The following PUDP variants were observed in gnomAD, a reference collection of about 807,000 sequenced individuals.
PUDP encodes the protein pseudouridine-5'-phosphatase.
PUDP carries 8 observed loss-of-function variants against 9.4 expected under a neutral mutation model. The observed-to-expected ratio is 0.85, with a 90% CI of 0.50 to 1.53. The LOEUF (loss-of-function observed/expected upper bound fraction) is 1.53. PUDP is among the 40% of genes most tolerant of loss of function. The probability of loss-of-function intolerance (pLI) is 0.00; values close to 1 mark genes in which losing one functional copy is unlikely to be tolerated. For synonymous variants in PUDP, 99 were observed against 80.7 expected (o/e 1.23, Z -1.22); for missense variants, 188 against 189.7 (o/e 0.99, Z 0.05).
intron 3 of PUDP, among the ~76,000 whole-genome samples, chrX:6,783,441 C>T (rs1472710560): frequency 4.5e-5 from 5 of 111,060 alleles, no homozygotes; most frequent in Non-Finnish European, 7.5e-5. Flanking sequence ...GGACTCGCCC[C>T]GAATTCTTTC....
intron 1 of PUDP, among the ~76,000 whole-genome samples, chrX:7,129,966 T>C (rs191971727): frequency 8.9e-6 from 1 of 111,827 alleles, no homozygotes; most frequent in African/African-American, 3.2e-5. Context: ...CAAATGGTTA[T>C]TTTCCATGTT....
rs185916779 is a variant in PUDP, at chrX:6,751,846, G to A, written c.*248-45380C>T. Among the ~76,000 whole-genome samples the A allele has an allele frequency of 9.0e-5, 10 of 111,060 alleles. 1 individual carries two copies. The highest frequency in any genetic ancestry group is 3.3e-4 in the African/African-American group (10 of 30,588). On this transcript the variant is annotated intron_variant and NMD_transcript_variant, in intron 3 of 3. Coordinates refer to the PUDP transcript ENST00000655425. ...GCACTCAAGCAGAAGAACGATTGGT[G>A]TTTTTGCAGCTTCACTGCAGTTTTG...
chrX:6,810,642 G>C, intron 3 of PUDP, among the ~76,000 whole-genome samples: 1 of 111,833 alleles, frequency 8.9e-6, no homozygotes, highest in East Asian at 2.8e-4. Context: ...TCTACATTCA[G>C]AATTATTAGA....
chrX:6,888,642 T>A (rs899469582), intron 3 of PUDP, among the ~76,000 whole-genome samples: 1 of 110,428 alleles, frequency 9.1e-6, no homozygotes, highest in Admixed American at 9.7e-5. Context: ...AGAGTGAGAC[T>A]CCATCTCAAA....
chrX:7,133,705 A>C lies in PUDP; in HGVS notation c.61+14348T>G, dbSNP rs368705067. 1.6e-4 allele frequency among the ~76,000 whole-genome samples: 18 copies of C among 112,059 alleles called. 1 individual carries two copies. In the East Asian group the frequency reaches 4.5e-3, roughly 28 times the overall value. On this transcript the variant is annotated intron_variant, in intron 1 of 3. Transcript: ENST00000381077. ...GCAGAAAGACAGACAAGCCAGTTTCAAAACACGTCCTTAAAATCGGGACAC... is the reference window on the plus strand; with the variant it reads ...GCAGAAAGACAGACAAGCCAGTTTCCAAACACGTCCTTAAAATCGGGACAC...
intron 2 of PUDP, among the ~76,000 whole-genome samples, chrX:7,099,933 T>C (rs1931679860): frequency 9.2e-6 from 1 of 108,564 alleles, no homozygotes. Flanking sequence ...TCCCTGGTTA[T>C]TGGTCTAGGT....
intron 3 of PUDP, among the ~76,000 whole-genome samples, chrX:6,771,304 C>G (rs190243141): frequency 2.7e-3 from 304 of 112,107 alleles, no homozygotes; most frequent in Non-Finnish European, 4.7e-3. Flanking sequence ...CCTTTCTTTG[C>G]ACGCTGGAAT....
intron 3 of PUDP, among the ~76,000 whole-genome samples, chrX:6,927,357 T>C (rs1039387249): frequency 5.3e-5 from 6 of 112,327 alleles, no homozygotes; most frequent in African/African-American, 1.9e-4. Flanking sequence ...GTGAATCACT[T>C]TGAAAATTCT....
chrX:7,138,046 G>A (rs745920640), intron 1 of PUDP, among the ~76,000 whole-genome samples: 1 of 112,001 alleles, frequency 8.9e-6, no homozygotes, highest in Admixed American at 9.4e-5. Context: ...TCCCCAAAAA[G>A]GTGACGAAGG....
chrX:6,736,752 C>A (rs1351472471), intron 3 of PUDP, among the ~76,000 whole-genome samples: 1 of 111,217 alleles, frequency 9.0e-6, no homozygotes, highest in Non-Finnish European at 1.9e-5. Flanking sequence ...AACACAGGAA[C>A]AGAAAACCAA....
intron 3 of PUDP, among the ~76,000 whole-genome samples, chrX:7,069,905 A>G (rs964484547): frequency 8.9e-5 from 10 of 112,207 alleles, no homozygotes; most frequent in African/African-American, 3.2e-4. Flanking sequence ...AAGTTTTCCT[A>G]AAAGTTTATT....
chrX:6,956,570 T>C (rs756946449), intron 3 of PUDP, among the ~76,000 whole-genome samples: 96 of 111,690 alleles, frequency 8.6e-4, no homozygotes, highest in Non-Finnish European at 1.6e-3. Flanking sequence ...CTGGAGGTGG[T>C]GACCCTGTTT....
intron 3 of PUDP, among the ~76,000 whole-genome samples, chrX:6,844,313 A>T (rs755246037): frequency 8.9e-6 from 1 of 112,970 alleles, no homozygotes; most frequent in East Asian, 2.8e-4. Flanking sequence ...CATATAACAT[A>T]TTCACAGGTT....
chrX:7,097,135 A>C (rs1165151304), intron 2 of PUDP, among the ~76,000 whole-genome samples: 3 of 111,789 alleles, frequency 2.7e-5, no homozygotes, highest in Non-Finnish European at 5.6e-5. Context: ...CCTCTGGCCC[A>C]TCTCTTCTAG....
chrX:7,111,893 T>C (rs994277532), intron 1 of PUDP, among the ~76,000 whole-genome samples: 10 of 110,874 alleles, frequency 9.0e-5, no homozygotes, highest in African/African-American at 3.3e-4. Flanking sequence ...TATAGGGAAT[T>C]GACAAGATCT....
intron 3 of PUDP, among the ~76,000 whole-genome samples, chrX:6,929,980 C>A (rs766123704): frequency 9.0e-6 from 1 of 111,202 alleles, no homozygotes; most frequent in African/African-American, 3.3e-5. Flanking sequence ...TCTCCTTCTG[C>A]ACCAGGCCAT....
intron 1 of PUDP, among the ~76,000 whole-genome samples, chrX:6,983,346 T>C (rs1436007536): frequency 9.0e-6 from 1 of 110,885 alleles, no homozygotes; most frequent in Non-Finnish European, 1.9e-5. Flanking sequence ...GCAAAGCCGT[T>C]CTCTTCTGCT....
intron 3 of PUDP, among the ~76,000 whole-genome samples, chrX:6,787,008 C>T (rs1416555901): frequency 9.2e-6 from 1 of 108,749 alleles, no homozygotes; most frequent in Non-Finnish European, 1.9e-5. Flanking sequence ...TGTCTCTCCC[C>T]CCACCCCCCG....
At chrX:6,978,613 C>A (rs1001983881) in intron 1 of PUDP, among the ~76,000 whole-genome samples, 27 of 111,802 alleles carry the variant, frequency 2.4e-4, no homozygotes, top group African/African-American at 8.8e-4. Context: ...AAATGAACAA[C>A]AGTCATCTCA....
Sources: gnomAD v4.1 joint callset for allele counts (sites outside exome capture counted in the v4.1 genomes callset) on GRCh38, gnomAD v4.1.1 for gene constraint, MANE v1.5 for transcripts, NCBI Gene and HGNC (gene_info 2026-07-23, HGNC 2026-07-21) for gene names.